CYRIB: variants seen among roughly 807,000 people sequenced by gnomAD.
CYRIB encodes the protein CYFIP-related Rac1 interactor B.
CYRIB carries 8 observed loss-of-function variants against 44.2 expected under a neutral mutation model. The ratio of observed to expected loss-of-function variants is 0.18; its 90% CI spans 0.11 to 0.33. The LOEUF is 0.33. Ranked by LOEUF, CYRIB falls within the 10% of genes least tolerant of loss-of-function variation. The probability of loss-of-function intolerance (pLI) is 1.00; values close to 1 mark genes in which losing one functional copy is unlikely to be tolerated. For missense variants in CYRIB, 185 were observed against 382.8 expected, an observed-to-expected ratio of 0.48 and a Z score of 4.31; for synonymous variants, 131 against 127.2, an observed-to-expected ratio of 1.03 and a Z score of -0.20.
intron 3 of CYRIB, among the ~76,000 whole-genome samples, chr8:129,875,746 TG>T (rs2058880992): frequency 6.6e-6 from 1 of 152,196 alleles, no homozygotes; most frequent in Non-Finnish European, 1.5e-5. Context: ...TTCTTTCTAC[TG>T]TCCTTTACTG....
intron 7 of CYRIB, among the ~76,000 whole-genome samples, chr8:129,853,808 GA>G (rs747128295): frequency 1.2e-4 from 19 of 152,328 alleles, no homozygotes; most frequent in Non-Finnish European, 2.5e-4. Flanking sequence ...AACAGGCCAT[GA>G]CCTCACTATC....
At chr8:129,934,027 G>A (rs922673131) in intron 1 of CYRIB, among the ~76,000 whole-genome samples, 2 of 152,060 alleles carry the variant, frequency 1.3e-5, no homozygotes, top group South Asian at 4.1e-4. Flanking sequence ...GTACCTTTGG[G>A]GCCCCACAAC....
At chr8:129,964,506 T>C (rs1240039009) in intron 2 of CYRIB, among the ~76,000 whole-genome samples, 1 of 152,206 alleles carries the variant, frequency 6.6e-6, no homozygotes. Flanking sequence ...CCAAAACACC[T>C]TGCAGGCCGT....
chr8:129,855,523 T>C (rs1387979942), intron 6 of CYRIB, 88 bp downstream of exon 8: 2 of 1,400,980 alleles, frequency 1.4e-6, no homozygotes, highest in Non-Finnish European at 2.0e-6. Flanking sequence ...TTTAAATACA[T>C]TTTAACAATG....
At chr8:129,862,846 G>C (rs1319806647) in intron 4 of CYRIB, among the ~76,000 whole-genome samples, 1 of 152,206 alleles carries the variant, frequency 6.6e-6, no homozygotes, top group Admixed American at 6.5e-5. Flanking sequence ...GGAGTGCTAA[G>C]AGTGGGTCTT....
At chr8:129,852,932 A>G (rs2044117713) in intron 7 of CYRIB, among the ~76,000 whole-genome samples, 1 of 152,202 alleles carries the variant, frequency 6.6e-6, no homozygotes, top group African/African-American at 2.4e-5. Context: ...GAAAGGAATG[A>G]CAACTAAGTC....
At chr8:130,012,428 G>C (rs2097246632) in intron 1 of CYRIB, among the ~76,000 whole-genome samples, 1 of 152,244 alleles carries the variant, frequency 6.6e-6, no homozygotes, top group Non-Finnish European at 1.5e-5. Flanking sequence ...CTGAAGCTCT[G>C]TCAGGGGAGG....
intron 1 of CYRIB, among the ~76,000 whole-genome samples, chr8:129,974,780 C>T (rs939031299): frequency 6.6e-6 from 1 of 150,836 alleles, no homozygotes; most frequent in Non-Finnish European, 1.5e-5. Flanking sequence ...AGTGCAGTGG[C>T]TCAAACATGG....
chr8:129,979,993 C>T lies in CYRIB; in HGVS notation c.-295-8998G>A, dbSNP rs140211872. Reference sequence around the variant, plus strand: ...TAAACCCTTAAACATGAACCATCTTCCAGAACCAATTCTGATGCATGATAA... The same window carrying T: ...TAAACCCTTAAACATGAACCATCTTTCAGAACCAATTCTGATGCATGATAA... On this transcript the variant is annotated intron_variant, in intron 1 of 14. Transcript: ENST00000401979. Among the ~76,000 whole-genome samples, 382 of 152,124 alleles carry T rather than the reference C, an allele frequency of 2.5e-3. 2 individuals carry two copies. Among genetic ancestry groups the T allele is most frequent in the African/African-American group, 8.8e-3 (365 of 41,532 alleles).
intron 3 of CYRIB, among the ~76,000 whole-genome samples, chr8:129,879,124 T>C (rs2060069474): frequency 6.6e-6 from 1 of 152,152 alleles, no homozygotes; most frequent in African/African-American, 2.4e-5. Context: ...ATGTTTTCAT[T>C]AGAGAATAGA....
chr8:129,997,659 A>G (rs2096804863), intron 1 of CYRIB, among the ~76,000 whole-genome samples: 1 of 152,210 alleles, frequency 6.6e-6, no homozygotes, highest in South Asian at 2.1e-4. Context: ...TCCTCTGGAC[A>G]GAGCCAGAGA....
intron 2 of CYRIB, among the ~76,000 whole-genome samples, chr8:129,948,146 G>A (rs1156963954): frequency 1.3e-5 from 2 of 152,224 alleles, no homozygotes; most frequent in African/African-American, 4.8e-5. Flanking sequence ...AAAAGCTGAT[G>A]TATGACGAAG....
At chr8:129,887,682 C>T (rs2063338361) in intron 2 of CYRIB, among the ~76,000 whole-genome samples, 2 of 152,206 alleles carry the variant, frequency 1.3e-5, no homozygotes, top group Admixed American at 6.5e-5. Context: ...TAGGAGCCCA[C>T]CCCTTACATC....
intron 1 of CYRIB, among the ~76,000 whole-genome samples, chr8:129,972,006 A>G (rs777781835): frequency 1.5e-4 from 23 of 152,318 alleles, no homozygotes; most frequent in Non-Finnish European, 2.9e-4. Flanking sequence ...TCTGGCCTTT[A>G]TTCTGATTAA....
chr8:129,861,621 T>C (rs1488380777), intron 5 of CYRIB, among the ~76,000 whole-genome samples: 1 of 149,744 alleles, frequency 6.7e-6, no homozygotes, highest in Admixed American at 6.6e-5. Flanking sequence ...GTTTGTTTGT[T>C]GTTTTTTTTT....
intron 11 of CYRIB, 150 bp from the exon 14 acceptor site, chr8:129,842,355 G>C: frequency 1.6e-6 from 1 of 615,786 alleles, no homozygotes; most frequent in Non-Finnish European, 2.9e-6. Flanking sequence ...TTCAGGTTCT[G>C]CACAGCCTGT....
chr8:129,846,918 C>A, intron 10 of CYRIB, 44 bp from the exon 13 acceptor site: 1 of 1,176,832 alleles, frequency 8.5e-7, no homozygotes, highest in Non-Finnish European at 1.2e-6. Context: ...CCATTTTTTT[C>A]ATGTAACATT....
At chr8:129,881,342 A>G (rs370932553) in intron 2 of CYRIB, among the ~76,000 whole-genome samples, 1 of 152,178 alleles carries the variant, frequency 6.6e-6, no homozygotes, top group East Asian at 1.9e-4. Context: ...TCCAATTGCT[A>G]TGTGTTTTTC....
chr8:129,892,987 G>A (rs2066134684), intron 2 of CYRIB, among the ~76,000 whole-genome samples: 2 of 152,050 alleles, frequency 1.3e-5, no homozygotes, highest in Admixed American at 6.6e-5. Flanking sequence ...TTTATTTTTA[G>A]GCTTCACAAT....
Sources: gnomAD v4.1 joint callset for allele counts (sites outside exome capture counted in the v4.1 genomes callset) on GRCh38, gnomAD v4.1.1 for gene constraint, MANE v1.5 for transcripts, NCBI Gene and HGNC (gene_info 2026-07-23, HGNC 2026-07-21) for gene names.